Variants in OR8J3 observed in about 807,000 individuals in gnomAD.
The protein encoded by OR8J3 is olfactory receptor 8J3.
For synonymous variants in OR8J3, 170 were observed against 142.6 expected, an observed-to-expected ratio of 1.19 and a Z score of -1.37; for missense variants, 418 against 379.8, an observed-to-expected ratio of 1.10 and a Z score of -0.84.
Position 56,137,310 on chromosome 11 carries a change from ACAC to A in OR8J3, c.406_408del (p.Val136del). ...ACCAGCAGGAGGCAGAGCCGCCGAG[ACAC>A]CACCACCATGTAGAGCAGAGGGTTA... On this transcript the variant is annotated inframe_deletion, in exon 2 of 2. Coordinates refer to ENST00000642058, the MANE Select transcript of OR8J3 (RefSeq NM_001004064.2). 1 of 1,614,062 alleles carries A rather than the reference ACAC, an allele frequency of 6.2e-7. No homozygotes were observed. Among genetic ancestry groups the A allele is most frequent in the Non-Finnish European group, 8.5e-7 (1 of 1,179,994 alleles).
chr11:56,136,990 C>G lies in OR8J3; in HGVS notation c.729G>C (p.Ser243=). 6.2e-7 allele frequency: 1 copy of G among 1,613,314 alleles called. No homozygotes were observed. Among genetic ancestry groups the G allele is most frequent in the Non-Finnish European group, 8.5e-7 (1 of 1,179,808 alleles). ...AGAAAACCGTGACTGCTATCATATG[C>G]GAAGCGCAGGTGGAAAAGGCTTTTT... is the stretch of plus-strand genomic sequence containing the variant. ...GRKKAFSTCA[S]HMIAVTVFYG... The change falls in exon 2 of 2, where the codon TCG becomes TCC. Residue 243 remains serine (S), a synonymous_variant. Transcript: ENST00000642058.
rs1565056252 is a variant in OR8J3, at chr11:56,137,994, C to T, written c.-276G>A. 6 of 402,400 alleles carry T rather than the reference C, an allele frequency of 1.5e-5. No individual in the cohort carries two copies. Among genetic ancestry groups the T allele is most frequent in the Non-Finnish European group, 2.6e-5 (6 of 226,438 alleles). 24.9% of individuals were successfully genotyped at this position (402,400 alleles called of 1,614,324 possible). On this transcript the variant is annotated 5_prime_UTR_variant, in exon 2 of 2. Coordinates refer to ENST00000642058, the MANE Select transcript of OR8J3 (RefSeq NM_001004064.2). ...CTGCAACACTTTGAGGGTTTACTGCCTTGCAGTGTAATTGAATTAAGAATA... is the reference window on the plus strand; with the variant it reads ...CTGCAACACTTTGAGGGTTTACTGCTTTGCAGTGTAATTGAATTAAGAATA...
At position 56,135,019 on chromosome 11, in the gene OR8J3, G is replaced by A. The variant is rs191022871; in HGVS notation, c.*1752C>T. On this transcript the variant is annotated 3_prime_UTR_variant, in exon 2 of 2. Coordinates refer to ENST00000642058, the MANE Select transcript of OR8J3 (RefSeq NM_001004064.2). Reference sequence around the variant, plus strand: ...GGGTTGAAAATTTAATTAAAAACCCGACATCAATATATATAGATCTGGTAA... The same window carrying A: ...GGGTTGAAAATTTAATTAAAAACCCAACATCAATATATATAGATCTGGTAA... The A allele has an allele frequency of 9.2e-5, 14 of 151,874 alleles. No homozygotes were observed. The highest frequency in any genetic ancestry group is 1.9e-4 in the East Asian group (1 of 5,166). The allele number at this position is 151,874 out of a possible 1,614,324, so 9.4% of individuals were successfully genotyped here.
rs940619676 is a variant in OR8J3 at position 56,136,483 on chromosome 11, G to A, written c.*288C>T. The A allele has an allele frequency of 4.9e-5, 9 of 184,448 alleles. No homozygotes were observed. The highest frequency in any genetic ancestry group is 8.9e-5 in the Non-Finnish European group (8 of 90,162). The allele number at this position is 184,448 out of a possible 1,614,324, so 11.4% of individuals were successfully genotyped here. A position where few individuals can be genotyped will look rare whatever the true frequency, so the allele number is the denominator to read the frequency against. ...ACTTTAATTCTCTTGTTCCTATTTT[G>A]TTGCTCTGTTAAAACTTAACCTTTT... is the stretch of plus-strand genomic sequence containing the variant. On this transcript the variant is annotated 3_prime_UTR_variant, in exon 2 of 2. Transcript: ENST00000642058.
rs940375714 is a variant in OR8J3, at chr11:56,137,242, A to G, written c.477T>C (p.Val159=). 6.2e-7 allele frequency: 1 copy of G among 1,614,058 alleles called. No individual in the cohort carries two copies. Among genetic ancestry groups the G allele is most frequent in the Non-Finnish European group, 8.5e-7 (1 of 1,180,042 alleles). Residue 159 remains valine, a synonymous_variant, in exon 2 of 2, where the codon GTT becomes GTC. Transcript: ENST00000642058. ...YLYGFSTAIV[V]SPCIFSVSYC... ...AAGACACAGAGAATATACAAGGTGA[A>G]ACCACAATAGCTGTAGAAAAGCCAT...
chr11:56,137,416 C>A lies in OR8J3; in HGVS notation c.303G>T (p.Leu101=), dbSNP rs768683469. ...ATACAATAAAGAACAAGAACCCTCC[C>A]AGTTGGGTGGCACATTCATAGAATG... ...TTSFYECATQ[L]GGFLFFIVSE... The change falls in exon 2 of 2, where the codon CTG becomes CTT. Residue 101 remains leucine, a synonymous_variant. Transcript: ENST00000642058. 2.5e-6 allele frequency: 4 copies of A among 1,614,166 alleles called. No individual in the cohort carries two copies. Among genetic ancestry groups the A allele is most frequent in the Non-Finnish European group, 3.4e-6 (4 of 1,180,040 alleles).
chr11:56,139,745 A>G (rs909590980), intron 1 of OR8J3, among the ~76,000 whole-genome samples: 5 of 152,262 alleles, frequency 3.3e-5, no homozygotes, highest in African/African-American at 1.2e-4. Flanking sequence ...CTCTTCTGAG[A>G]AGGTGGCATT....
Position 56,136,998 on chromosome 11 carries a change from A to G in OR8J3, c.721T>C (p.Cys241Arg), listed in dbSNP as rs764367912. ...GTGACTGCTATCATATGCGAAGCGC[A>G]GGTGGAAAAGGCTTTTTTCCTTCCT... ...PEGRKKAFST[C>R]ASHMIAVTVF... Residue 241 changes from cysteine (C) to arginine (R), a missense_variant, in exon 2 of 2, where the codon TGC becomes CGC. By Grantham distance (180) the Cys-to-Arg change is radical (BLOSUM62 -3). Transcript: ENST00000642058. The G allele has an allele frequency of 1.2e-6, 2 of 1,613,406 alleles. No individual in the cohort carries two copies. The highest frequency in any genetic ancestry group is 1.7e-5 in the Admixed American group (1 of 59,850).
In OR8J3 at chr11:56,137,632, C is replaced by G. The variant is rs748637420; in HGVS notation, c.87G>C (p.Leu29=). Residue 29 remains leucine, a synonymous_variant, in exon 2 of 2, where the codon CTG becomes CTC. Coordinates refer to ENST00000642058, the MANE Select transcript of OR8J3 (RefSeq NM_001004064.2). Reference sequence around the variant, plus strand: ...TCAGCACATAGAGCACTAGGAAGACCAGGAAGAGGGGAATCTGGAGCTCTG... The same window carrying G: ...TCAGCACATAGAGCACTAGGAAGACGAGGAAGAGGGGAATCTGGAGCTCTG... ...SCPELQIPLF[L]VFLVLYVLTM... 6.2e-7 allele frequency: 1 copy of G among 1,614,086 alleles called. No individual in the cohort carries two copies. Among genetic ancestry groups the G allele is most frequent in the Non-Finnish European group, 8.5e-7 (1 of 1,180,014 alleles).
Position 56,136,870 on chromosome 11 carries a change from A to T in OR8J3, c.849T>A (p.Pro283=). 6.2e-7 allele frequency: 1 copy of T among 1,613,930 alleles called. No homozygotes were observed. The highest frequency in any genetic ancestry group is 8.5e-7 in the Non-Finnish European group (1 of 1,179,834). Residue 283 remains proline (P), a synonymous_variant, in exon 2 of 2, where the codon CCT becomes CCA. Coordinates refer to ENST00000642058, the MANE Select transcript of OR8J3 (RefSeq NM_001004064.2). ...MASVFYTLVI[P]MLNPLIYSLR... ...GGCTGTAGATCAAGGGATTCAGCAT[A>T]GGAATCACCAATGTGTAAAACACAG...
chr11:56,137,092 A>G lies in OR8J3; in HGVS notation c.627T>C (p.Phe209=), dbSNP rs1565055672. ...AAGATACTAGAACTGTAATCATGGA[A>G]AAAACCAAATTTGTTGCTGCAGATA... The part of the protein sequence containing the change: ...VFISAATNLV[F]SMITVLVSYF... Residue 209 remains phenylalanine, a synonymous_variant, in exon 2 of 2, where the codon TTT becomes TTC. Coordinates refer to ENST00000642058, the MANE Select transcript of OR8J3 (RefSeq NM_001004064.2). The G allele has an allele frequency of 8.7e-6, 14 of 1,613,796 alleles. No individual in the cohort carries two copies. The highest frequency in any genetic ancestry group is 1.2e-5 in the Non-Finnish European group (14 of 1,179,964).
At position 56,137,238 on chromosome 11, in the gene OR8J3, G is replaced by A. The variant is rs1351587188; in HGVS notation, c.481C>T (p.Pro161Ser). The A allele has an allele frequency of 8.7e-6, 14 of 1,613,950 alleles. No homozygotes were observed. The highest frequency in any genetic ancestry group is 4.4e-5 in the South Asian group (4 of 91,064). Residue 161 changes from proline to serine, a missense_variant, in exon 2 of 2, where the codon CCT becomes TCT. By Grantham distance (74) the Pro-to-Ser change is moderately conservative (BLOSUM62 -1). Transcript: ENST00000642058. ...CAATAAGACACAGAGAATATACAAG[G>A]TGAAACCACAATAGCTGTAGAAAAG... The part of the protein sequence containing the change: ...YGFSTAIVVS[P>S]CIFSVSYCSS...
chr11:56,139,323 T>G (rs1219732343), intron 1 of OR8J3, among the ~76,000 whole-genome samples: 2 of 151,376 alleles, frequency 1.3e-5, no homozygotes, highest in African/African-American at 2.4e-5. Context: ...AACAAATGAT[T>G]ATTCTACAGT....
chr11:56,136,728 G>A lies in OR8J3; in HGVS notation c.*43C>T. 3 of 1,076,492 alleles carry A rather than the reference G, an allele frequency of 2.8e-6. No individual in the cohort carries two copies. The highest frequency in any genetic ancestry group is 4.0e-6 in the Non-Finnish European group (3 of 747,858). 66.7% of individuals were successfully genotyped at this position (1,076,492 alleles called of 1,614,324 possible). On this transcript the variant is annotated 3_prime_UTR_variant, in exon 2 of 2. Coordinates refer to ENST00000642058, the MANE Select transcript of OR8J3 (RefSeq NM_001004064.2). ...CTTTTATTTCTCTTACATAATGGCAGGTTACATGAACTATCTCTTCATTTA... is the reference window on the plus strand; with the variant it reads ...CTTTTATTTCTCTTACATAATGGCAAGTTACATGAACTATCTCTTCATTTA...
At position 56,135,841 on chromosome 11, in the gene OR8J3, C is replaced by T. The variant is rs1228946256; in HGVS notation, c.*930G>A. ...TTAATATGAGTTTTTTGACTTTTGC[C>T]TTATGATTTTTATTTGATAAGTCTG... On this transcript the variant is annotated 3_prime_UTR_variant, in exon 2 of 2. Coordinates refer to ENST00000642058, the MANE Select transcript of OR8J3 (RefSeq NM_001004064.2). 1.3e-5 allele frequency: 2 copies of T among 151,746 alleles called. No homozygotes were observed. The highest frequency in any genetic ancestry group is 2.9e-5 in the Non-Finnish European group (2 of 67,810). 9.4% of individuals were successfully genotyped at this position (151,746 alleles called of 1,614,324 possible). A position where few individuals can be genotyped will look rare whatever the true frequency, so the allele number is the denominator to read the frequency against.
At position 56,137,992 on chromosome 11, in the gene OR8J3, G is replaced by C. The variant is rs1480785890; in HGVS notation, c.-274C>G. On this transcript the variant is annotated 5_prime_UTR_variant, in exon 2 of 2. Coordinates refer to ENST00000642058, the MANE Select transcript of OR8J3 (RefSeq NM_001004064.2). ...TCCTGCAACACTTTGAGGGTTTACTGCCTTGCAGTGTAATTGAATTAAGAA... is the reference window on the plus strand; with the variant it reads ...TCCTGCAACACTTTGAGGGTTTACTCCCTTGCAGTGTAATTGAATTAAGAA... 9 of 410,300 alleles carry C rather than the reference G, an allele frequency of 2.2e-5. No individual in the cohort carries two copies. Among genetic ancestry groups the C allele is most frequent in the Admixed American group, 8.2e-5 (2 of 24,354 alleles). 25.4% of individuals were successfully genotyped at this position (410,300 alleles called of 1,614,324 possible).
rs1265879190 is a variant in OR8J3 at position 56,138,216 on chromosome 11, T to C, written c.-498A>G. 2 of 153,740 alleles carry C rather than the reference T, an allele frequency of 1.3e-5. No individual in the cohort carries two copies. The highest frequency in any genetic ancestry group is 6.5e-5 in the Admixed American group (1 of 15,446). 9.5% of individuals were successfully genotyped at this position (153,740 alleles called of 1,614,324 possible). ...AAGAATTATATCCTTTTATAACATGTATTAGATCTATATTGAGCTTGCAAA... is the reference window on the plus strand; with the variant it reads ...AAGAATTATATCCTTTTATAACATGCATTAGATCTATATTGAGCTTGCAAA... On this transcript the variant is annotated 5_prime_UTR_variant, in exon 2 of 2. The change creates a new upstream start codon in the 5' untranslated region. Coordinates refer to ENST00000642058, the MANE Select transcript of OR8J3 (RefSeq NM_001004064.2).
rs1854320664 is a variant in OR8J3 at position 56,135,376 on chromosome 11, A to C, written c.*1395T>G. The C allele has an allele frequency of 6.6e-6, 1 of 152,030 alleles. No homozygotes were observed. Among genetic ancestry groups the C allele is most frequent in the Non-Finnish European group, 1.5e-5 (1 of 67,880 alleles). The allele number at this position is 152,030 out of a possible 1,614,324, so 9.4% of individuals were successfully genotyped here. ...ACCTCAAAAATCTCATCTTATGCAAACAAGATAGCTTTTTCCTGCCTTTTC... is the reference window on the plus strand; with the variant it reads ...ACCTCAAAAATCTCATCTTATGCAACCAAGATAGCTTTTTCCTGCCTTTTC... On this transcript the variant is annotated 3_prime_UTR_variant, in exon 2 of 2. Coordinates refer to ENST00000642058, the MANE Select transcript of OR8J3 (RefSeq NM_001004064.2).
At chr11:56,139,187 T>C (rs1294352595) in intron 1 of OR8J3, among the ~76,000 whole-genome samples, 1 of 152,186 alleles carries the variant, frequency 6.6e-6, no homozygotes. Context: ...TATCATATAG[T>C]TCTTTATTTT....
Sources: allele counts gnomAD v4.1 joint callset (sites outside exome capture counted in the v4.1 genomes callset), GRCh38; gene constraint gnomAD v4.1.1; transcripts MANE v1.5; gene names NCBI Gene and HGNC (gene_info 2026-07-23, HGNC 2026-07-21).